Variants in RAP1GAP observed in about 807,000 individuals in gnomAD.
The protein encoded by RAP1GAP is rap1 GTPase-activating protein 1.
In RAP1GAP, 35 loss-of-function variants were observed where a neutral mutation model predicts 87.2. The observed-to-expected ratio is 0.40, with a 90% confidence interval of 0.31 to 0.53. The LOEUF (loss-of-function observed/expected upper bound fraction) is 0.53. RAP1GAP is among the 20% of genes least tolerant of loss of function. RAP1GAP has a pLI of 0.48. For synonymous variants in RAP1GAP, 375 were observed against 363.9 expected (o/e 1.03, Z -0.35); for missense variants, 734 against 898.9 (o/e 0.82, Z 2.35).
chr1:21,626,797 C>T, intron 2 of RAP1GAP: 2 of 429,196 alleles, frequency 4.7e-6, no homozygotes, highest in South Asian at 1.7e-5. Context: ...CATTGAGGGG[C>T]TACCAGGGCT....
chr1:21,654,014 C>T (rs1047920658), intron 1 of RAP1GAP, among the ~76,000 whole-genome samples: 26 of 148,626 alleles, frequency 1.7e-4, no homozygotes, highest in Admixed American at 9.1e-4. Context: ...GGGTTCCCAC[C>T]GAAGACAAAG....
At chr1:21,647,365 G>A (rs1293030941) in intron 2 of RAP1GAP, among the ~76,000 whole-genome samples, 2 of 152,194 alleles carry the variant, frequency 1.3e-5, no homozygotes, top group Admixed American at 6.5e-5. Context: ...TCAGGAGGCT[G>A]AGGCAAGAGA....
intron 1 of RAP1GAP, chr1:21,665,206 CT>C (rs751822883): frequency 3.9e-6 from 2 of 509,588 alleles, no homozygotes; most frequent in Non-Finnish European, 7.9e-6. Context: ...GAGAGAGGAA[CT>C]CACCAAAAGT....
chr1:21,598,294 G>T, intron 22 of RAP1GAP, 106 bp downstream of exon 22: 1 of 1,096,206 alleles, frequency 9.1e-7, no homozygotes, highest in Non-Finnish European at 1.4e-6. Flanking sequence ...GTCAGGGGCA[G>T]TCACATCACA....
At chr1:21,633,392 C>G (rs1052313169) in intron 2 of RAP1GAP, among the ~76,000 whole-genome samples, 6 of 152,230 alleles carry the variant, frequency 3.9e-5, no homozygotes, top group East Asian at 1.9e-4. Context: ...AGGCACCCCC[C>G]CTCTGCTGGG....
chr1:21,617,384 T>G lies in RAP1GAP; in HGVS notation c.213A>C (p.Pro71=). The G allele has an allele frequency of 6.2e-7, 1 of 1,602,878 alleles. No homozygotes were observed. The highest frequency in any genetic ancestry group is 8.5e-7 in the Non-Finnish European group (1 of 1,174,866). Residue 71 remains proline (P), a synonymous_variant, in exon 7 of 25, where the codon CCA becomes CCC. Transcript: ENST00000374765. ...HEITSIPETE[P]LQSPTTKVKL... The stretch of plus-strand genomic sequence containing the variant: ...TCACCTTGGTTGTGGGCGACTGCAG[T>G]GGCTCTGTCTCGGGGATGCTGGTGA...
Position 21,609,650 on chromosome 1 carries a change from G to A in RAP1GAP, c.1000-4C>T. The A allele has an allele frequency of 6.4e-7, 1 of 1,570,306 alleles. No individual in the cohort carries two copies. Among genetic ancestry groups the A allele is most frequent in the Non-Finnish European group, 8.6e-7 (1 of 1,158,388 alleles). ...CATCTCTTGCAGTGACAGAGACCTGGAAGGGAGGGCAGCTGTCTGTTCCTG... is the reference window on the plus strand; with the variant it reads ...CATCTCTTGCAGTGACAGAGACCTGAAAGGGAGGGCAGCTGTCTGTTCCTG... On this transcript the variant is annotated splice_polypyrimidine_tract_variant and splice_region_variant and intron_variant, in intron 14 of 24. Coordinates refer to ENST00000374765, the MANE Select transcript of RAP1GAP (RefSeq NM_002885.4). This position sits in a 1 kb window ranked among gnomAD's most constrained non-coding sequence, Gnocchi z 4.4.
At position 21,616,168 on chromosome 1, in the gene RAP1GAP, C is replaced by G. The variant is rs897137352; in HGVS notation, c.291+1138G>C. 9.8e-5 allele frequency among the ~76,000 whole-genome samples: 14 copies of G among 143,272 alleles called. No homozygotes were observed. In the East Asian group the frequency reaches 2.8e-3, roughly 29 times the overall value. The allele number at this position is 143,272 out of a possible 152,430, so 94.0% of individuals were successfully genotyped here. A position where few individuals can be genotyped will look rare whatever the true frequency, so the allele number is the denominator to read the frequency against. On this transcript the variant is annotated intron_variant, in intron 7 of 24. Coordinates refer to ENST00000374765, the MANE Select transcript of RAP1GAP (RefSeq NM_002885.4). The stretch of plus-strand genomic sequence containing the variant: ...ACACACACACACACACACACACACA[C>G]ACACACACACACACACACACACATA...
intron 18 of RAP1GAP, among the ~76,000 whole-genome samples, chr1:21,605,287 G>A (rs576704253): frequency 4.2e-4 from 64 of 152,258 alleles, no homozygotes; most frequent in South Asian, 1.0e-3. Context: ...CCAGATTCCC[G>A]ACACACAATA....
chr1:21,660,250 T>A (rs1388440265), intron 1 of RAP1GAP, among the ~76,000 whole-genome samples: 1 of 147,920 alleles, frequency 6.8e-6, no homozygotes, highest in African/African-American at 2.5e-5. Context: ...AATGCATAAC[T>A]ACACAGCCTG....
Position 21,606,211 on chromosome 1 carries a change from G to A in RAP1GAP, c.1297-14C>T. On this transcript the variant is annotated splice_polypyrimidine_tract_variant and intron_variant, in intron 17 of 24. Transcript: ENST00000374765. ...CCGGATGACCCGCTGTGAAGGGGGT[G>A]GCAGTGGAGGAGGCACAGGATTCCT... 1.3e-6 allele frequency: 2 copies of A among 1,571,476 alleles called. No homozygotes were observed. The highest frequency in any genetic ancestry group is 1.3e-5 in the African/African-American group (1 of 74,548).
At chr1:21,649,626 A>AC (rs2096397143) in intron 2 of RAP1GAP, 135 bp downstream of exon 2, 1 of 1,033,002 alleles carries the variant, frequency 9.7e-7, no homozygotes, top group Admixed American at 2.2e-5. Context: ...GGGTCTGCCC[A>AC]CCCCCTTGCC....
chr1:21,601,071 A>G (rs1422433054), intron 20 of RAP1GAP, among the ~76,000 whole-genome samples: 1 of 149,168 alleles, frequency 6.7e-6, no homozygotes, highest in East Asian at 2.0e-4. Flanking sequence ...TCCAGGCTAG[A>G]GTGCAGTGGC....
rs1380434122 is a variant in RAP1GAP, at chr1:21,603,955, G to T, written c.1429-1042C>A. ...GCGGGGGCAGAGAGAGAGAGACAGA[G>T]AGAGAGTCAGAGAGCAAGAGAGATG... is the stretch of plus-strand genomic sequence containing the variant. On this transcript the variant is annotated intron_variant, in intron 18 of 24. Coordinates refer to ENST00000374765, the MANE Select transcript of RAP1GAP (RefSeq NM_002885.4). This position sits in a 1 kb window ranked among gnomAD's most constrained non-coding sequence, Gnocchi z 6.0. 1.4e-6 allele frequency: 2 copies of T among 1,382,540 alleles called. No individual in the cohort carries two copies. Among genetic ancestry groups the T allele is most frequent in the African/African-American group, 2.9e-5 (2 of 69,356 alleles). 85.6% of individuals were successfully genotyped at this position (1,382,540 alleles called of 1,614,324 possible).
chr1:21,628,030 T>C (rs549103128), intron 2 of RAP1GAP, among the ~76,000 whole-genome samples: 1 of 152,282 alleles, frequency 6.6e-6, no homozygotes, highest in South Asian at 2.1e-4. Context: ...GGGCAGCTCA[T>C]GGGAATTCAC....
chr1:21,598,636 G>T, intron 21 of RAP1GAP, 134 bp from the exon 22 acceptor site: 1 of 720,338 alleles, frequency 1.4e-6, no homozygotes. Context: ...GACGGGCCTA[G>T]CCATGTCTGC....
intron 2 of RAP1GAP, among the ~76,000 whole-genome samples, chr1:21,638,456 CAAAA>C (rs34567376): frequency 7.8e-6 from 1 of 128,236 alleles, no homozygotes; most frequent in Non-Finnish European, 1.6e-5. Flanking sequence ...GACTCTGTCT[CAAAA>C]AAAAAAAAAA....
intron 3 of RAP1GAP, among the ~76,000 whole-genome samples, chr1:21,624,576 G>A (rs1188655615): frequency 6.6e-6 from 1 of 152,098 alleles, no homozygotes; most frequent in Non-Finnish European, 1.5e-5. Context: ...TGGCTTGCTG[G>A]AGACCCCAGA....
In RAP1GAP at chr1:21,613,002, C is replaced by T. The variant is rs1331481894; in HGVS notation, c.528+174G>A. ...ATCTGCTGTGCACCCTGGGGGAAGG[C>T]ACAGGCCCTTTCGGTGGCTCCTCTT... On this transcript the variant is annotated intron_variant, in intron 10 of 24. Transcript: ENST00000374765. This position sits in a 1 kb window ranked among gnomAD's most constrained non-coding sequence, Gnocchi z 4.7. 2.4e-5 allele frequency: 17 copies of T among 711,312 alleles called. No individual in the cohort carries two copies. The highest frequency in any genetic ancestry group is 4.0e-5 in the Non-Finnish European group (16 of 404,556). The allele number at this position is 711,312 out of a possible 1,614,324, so 44.1% of individuals were successfully genotyped here.
Sources: allele counts gnomAD v4.1 joint callset (sites outside exome capture counted in the v4.1 genomes callset), GRCh38; gene constraint gnomAD v4.1.1; non-coding constraint Gnocchi (gnomAD v3.1); transcripts MANE v1.5; gene names NCBI Gene and HGNC (gene_info 2026-07-23, HGNC 2026-07-21).